OSR2: variants seen among roughly 807,000 people sequenced by gnomAD.
OSR2 encodes the protein odd-skipped related transciption factor 2, also known as protein odd-skipped-related 2.
In OSR2, 8 loss-of-function variants were observed where a neutral mutation model predicts 22.3. The observed-to-expected ratio is 0.36, with a 90% CI of 0.21 to 0.65. The LOEUF is 0.65. OSR2 is among the 30% of genes least tolerant of loss of function. The pLI is 0.66. For missense variants in OSR2, 311 were observed against 413.4 expected (o/e 0.75, Z 2.15); for synonymous variants, 179 against 173.8 (o/e 1.03, Z -0.23).
chr8:98,951,432 T>C, intron 3 of OSR2, 87 bp from the exon 4 acceptor site: 2 of 1,273,162 alleles, frequency 1.6e-6, no homozygotes, highest in Non-Finnish European at 2.2e-6. Flanking sequence ...ATGTTAACGC[T>C]TGTGATAACG....
chr8:98,949,434 G>A lies in OSR2; in HGVS notation c.482G>A (p.Arg161Gln), dbSNP rs751730409. ...SKLTPDRKPS[R>Q]GRLPSKTKKE... ...TTGACTCCGGACAGAAAGCCCTCTC[G>A]AGGAAGGTTGCCCTCCAAAACGAAA... Residue 161 changes from arginine (R) to glutamine (Q), a missense_variant, in exon 2 of 4, where the codon CGA (arginine) becomes CAA (glutamine). By Grantham distance (43) the Arg-to-Gln change is conservative. Coordinates refer to ENST00000297565, the MANE Select transcript of OSR2 (RefSeq NM_001142462.3). The surrounding 1 kb of genome is among the most constrained non-coding windows in gnomAD (Gnocchi z 5.9). The A allele has an allele frequency of 6.2e-7, 1 of 1,614,026 alleles. No individual in the cohort carries two copies. Among genetic ancestry groups the A allele is most frequent in the East Asian group, 2.2e-5 (1 of 44,884 alleles).
chr8:98,951,653 T>C lies in OSR2; in HGVS notation c.891T>C (p.Cys297=). Reference sequence around the variant, plus strand: ...GCGGCAAAGTGTTCAGGCGAAACTGTGATCTGCGGCGGCACAGCCTGACTC... The same window carrying C: ...GCGGCAAAGTGTTCAGGCGAAACTGCGATCTGCGGCGGCACAGCCTGACTC... ...EQCGKVFRRN[C]DLRRHSLTHT... Residue 297 remains cysteine, a synonymous_variant, in exon 4 of 4, where the codon TGT becomes TGC. Transcript: ENST00000297565. The C allele has an allele frequency of 2.5e-6, 4 of 1,613,936 alleles. No homozygotes were observed. Among genetic ancestry groups the C allele is most frequent in the Non-Finnish European group, 2.5e-6 (3 of 1,179,892 alleles).
chr8:98,946,067 T>G (rs1840605424), intron 1 of OSR2: 1 of 152,268 alleles, frequency 6.6e-6, no homozygotes, highest in South Asian at 2.1e-4. Context: ...CACATCTTCC[T>G]TGGTGACAGC....
chr8:98,950,130 ACT>A (rs1355410993), intron 2 of OSR2, among the ~76,000 whole-genome samples: 1 of 151,802 alleles, frequency 6.6e-6, no homozygotes, highest in South Asian at 2.1e-4. Flanking sequence ...GCGACCTTAA[ACT>A]CTGCATTAAT....
In OSR2 at chr8:98,948,499, T is replaced by A. The variant is rs551710717; in HGVS notation, c.-114-340T>A. On this transcript the variant is annotated intron_variant, in intron 1 of 3. Coordinates refer to ENST00000297565, the MANE Select transcript of OSR2 (RefSeq NM_001142462.3). This position sits in a 1 kb window ranked among gnomAD's most constrained non-coding sequence, Gnocchi z 6.0. ...CAGGCTTGGGGAGGGTGGGCTGGGC[T>A]GGGCTGGGCTGGGCTGGGTGCTGCC... The A allele has an allele frequency of 2.8e-5, 2 of 72,488 alleles. No homozygotes were observed. Among genetic ancestry groups the A allele is most frequent in the Non-Finnish European group, 4.6e-5 (2 of 43,552 alleles). The allele number at this position is 72,488 out of a possible 1,614,324, so 4.5% of individuals were successfully genotyped here.
chr8:98,948,938 C>G lies in OSR2; in HGVS notation c.-15C>G. On this transcript the variant is annotated 5_prime_UTR_variant, in exon 2 of 4. Transcript: ENST00000297565. The surrounding 1 kb of genome is among the most constrained non-coding windows in gnomAD (Gnocchi z 6.0). ...GAAAGGGTTGGTCCCCTCAGCACCCCCAGCATCCCGGAAAATGGGGAGCAA... is the reference window on the plus strand; with the variant it reads ...GAAAGGGTTGGTCCCCTCAGCACCCGCAGCATCCCGGAAAATGGGGAGCAA... 4 of 1,613,904 alleles carry G rather than the reference C, an allele frequency of 2.5e-6. No individual in the cohort carries two copies. Among genetic ancestry groups the G allele is most frequent in the Middle Eastern group, 1.6e-4 (1 of 6,062 alleles).
At chr8:98,947,241 TG>T in intron 1 of OSR2, among the ~76,000 whole-genome samples, 1 of 152,062 alleles carries the variant, frequency 6.6e-6, no homozygotes, top group East Asian at 2.0e-4. Flanking sequence ...AATAAATCTC[TG>T]TCCCGAGCCC....
chr8:98,948,156 C>CCCGTCA lies in OSR2; in HGVS notation c.-114-679_-114-674dup, dbSNP rs1840664826. The CCCGTCA allele has an allele frequency of 2.9e-6, 4 of 1,381,604 alleles. No individual in the cohort carries two copies. The highest frequency in any genetic ancestry group is 2.8e-6 in the Non-Finnish European group (3 of 1,071,426). The allele number at this position is 1,381,604 out of a possible 1,614,324, so 85.6% of individuals were successfully genotyped here. ...GAGGTGTCACTTTTCTTTCCTGCGG[C>CCCGTCA]CCGTCACCGCTGATAGATGGGGCTG... is the stretch of plus-strand genomic sequence containing the variant. On this transcript the variant is annotated intron_variant, in intron 1 of 3. Transcript: ENST00000297565. This position sits in a 1 kb window ranked among gnomAD's most constrained non-coding sequence, Gnocchi z 6.0.
Position 98,948,275 on chromosome 8 carries a change from C to T in OSR2, c.-114-564C>T, listed in dbSNP as rs750568757. 2 of 1,514,184 alleles carry T rather than the reference C, an allele frequency of 1.3e-6. No homozygotes were observed. Among genetic ancestry groups the T allele is most frequent in the East Asian group, 2.5e-5 (1 of 40,028 alleles). 93.8% of individuals were successfully genotyped at this position (1,514,184 alleles called of 1,614,324 possible). A position where few individuals can be genotyped will look rare whatever the true frequency, so the allele number is the denominator to read the frequency against. On this transcript the variant is annotated intron_variant, in intron 1 of 3. Coordinates refer to ENST00000297565, the MANE Select transcript of OSR2 (RefSeq NM_001142462.3). The surrounding 1 kb of genome is among the most constrained non-coding windows in gnomAD (Gnocchi z 6.0). ...TCTGGCCCAGGAGGATGAAGCGCGC[C>T]GGCTTCGCTCTTGCACGCCGGCTTG...
chr8:98,947,326 C>T (rs1209423051), intron 1 of OSR2, among the ~76,000 whole-genome samples: 2 of 152,078 alleles, frequency 1.3e-5, no homozygotes. Context: ...ATTAGCGTAG[C>T]CCCCTAAGTC....
intron 1 of OSR2, among the ~76,000 whole-genome samples, chr8:98,945,782 G>C (rs1840595105): frequency 1.3e-5 from 2 of 152,086 alleles, no homozygotes; most frequent in South Asian, 4.2e-4. Context: ...TCTTTTTAAT[G>C]ATCTTCTTTG....
At chr8:98,951,436 G>T in intron 3 of OSR2, 83 bp from the exon 4 acceptor site, 1 of 1,314,010 alleles carries the variant, frequency 7.6e-7, no homozygotes. Context: ...TAACGCTTGT[G>T]ATAACGATAA....
At position 98,948,366 on chromosome 8, in the gene OSR2, C is replaced by A; in HGVS notation, c.-114-473C>A. 2.7e-6 allele frequency: 4 copies of A among 1,505,998 alleles called. No individual in the cohort carries two copies. The highest frequency in any genetic ancestry group is 3.5e-6 in the Non-Finnish European group (4 of 1,130,534). 93.3% of individuals were successfully genotyped at this position (1,505,998 alleles called of 1,614,324 possible). On this transcript the variant is annotated intron_variant, in intron 1 of 3. Coordinates refer to ENST00000297565, the MANE Select transcript of OSR2 (RefSeq NM_001142462.3). This position sits in a 1 kb window ranked among gnomAD's most constrained non-coding sequence, Gnocchi z 6.0. ...CGGCAGCGCAGCGCGTGGGATCTCA[C>A]GACCCATCCGTTAACCCACCGTTCC... is the stretch of plus-strand genomic sequence containing the variant.
In OSR2 at chr8:98,951,701, G is replaced by C; in HGVS notation, c.939G>C (p.Ter313TyrextTer73). The C allele has an allele frequency of 6.2e-7, 1 of 1,611,098 alleles. No individual in the cohort carries two copies. The highest frequency in any genetic ancestry group is 8.5e-7 in the Non-Finnish European group (1 of 1,178,826). ...SLTHTPRQDF[*>Y] is the part of the protein sequence containing the mutation. ...CTCACACCCCGCGGCAGGACTTCTA[G>C]AGAAGCCCAGGATCTGTCCCGTGCC... is the stretch of plus-strand genomic sequence containing the variant. Residue 313 changes from the stop codon to tyrosine (Y), a stop_lost, in exon 4 of 4, where the codon TAG (stop) becomes TAC (tyrosine). Coordinates refer to ENST00000297565, the MANE Select transcript of OSR2 (RefSeq NM_001142462.3).
chr8:98,946,476 G>C (rs1840617624), intron 1 of OSR2, among the ~76,000 whole-genome samples: 1 of 152,138 alleles, frequency 6.6e-6, no homozygotes. Flanking sequence ...TTTGTAAAAG[G>C]GTTTCAAAAG....
Position 98,948,407 on chromosome 8 carries a change from G to A in OSR2, c.-114-432G>A, listed in dbSNP as rs1255241170. 3 of 1,428,748 alleles carry A rather than the reference G, an allele frequency of 2.1e-6. No individual in the cohort carries two copies. The highest frequency in any genetic ancestry group is 2.7e-6 in the Non-Finnish European group (3 of 1,093,806). The allele number at this position is 1,428,748 out of a possible 1,614,324, so 88.5% of individuals were successfully genotyped here. ...CCACCGTTCCCAGGAGCTCCGAGGC[G>A]CAGCGGCGACAGAGGTTCGCCCCGG... On this transcript the variant is annotated intron_variant, in intron 1 of 3. Coordinates refer to ENST00000297565, the MANE Select transcript of OSR2 (RefSeq NM_001142462.3). This position sits in a 1 kb window ranked among gnomAD's most constrained non-coding sequence, Gnocchi z 6.0.
Position 98,948,641 on chromosome 8 carries a change from T to C in OSR2, c.-114-198T>C. The C allele has an allele frequency of 1.0e-6, 1 of 963,600 alleles. No individual in the cohort carries two copies. Among genetic ancestry groups the C allele is most frequent in the Non-Finnish European group, 1.5e-6 (1 of 671,944 alleles). The allele number at this position is 963,600 out of a possible 1,614,324, so 59.7% of individuals were successfully genotyped here. On this transcript the variant is annotated intron_variant, in intron 1 of 3. Coordinates refer to ENST00000297565, the MANE Select transcript of OSR2 (RefSeq NM_001142462.3). The surrounding 1 kb of genome is among the most constrained non-coding windows in gnomAD (Gnocchi z 6.0). ...GCGCTCGCCAGTGGAGCACTTCTTGTTCTGGCCCCGGGCTGATCTGCACGC... is the reference window on the plus strand; with the variant it reads ...GCGCTCGCCAGTGGAGCACTTCTTGCTCTGGCCCCGGGCTGATCTGCACGC...
At chr8:98,950,532 C>A in intron 2 of OSR2, 124 bp from the exon 3 acceptor site, 8 of 655,066 alleles carry the variant, frequency 1.2e-5, no homozygotes, top group Non-Finnish European at 2.1e-5. Flanking sequence ...AAAAAAAAAT[C>A]TAAAAACGTA....
At position 98,949,852 on chromosome 8, in the gene OSR2, G is replaced by T. The variant is rs1164878101; in HGVS notation, c.656+244G>T. The stretch of plus-strand genomic sequence containing the variant: ...CCTCAGTCTTGGACAGGAACAATCT[G>T]TTGGCCTTAGTCCTGGGATGGTTAT... On this transcript the variant is annotated intron_variant, in intron 2 of 3. Transcript: ENST00000297565. The surrounding 1 kb of genome is among the most constrained non-coding windows in gnomAD (Gnocchi z 5.9). Among the ~76,000 whole-genome samples the T allele has an allele frequency of 6.6e-6, 1 of 152,164 alleles. No homozygotes were observed. Among genetic ancestry groups the T allele is most frequent in the African/African-American group, 2.4e-5 (1 of 41,418 alleles).
Sources: gnomAD v4.1 joint callset for allele counts (sites outside exome capture counted in the v4.1 genomes callset) on GRCh38, gnomAD v4.1.1 for gene constraint, Gnocchi (gnomAD v3.1) non-coding constraint, MANE v1.5 for transcripts, NCBI Gene and HGNC (gene_info 2026-07-23, HGNC 2026-07-21) for gene names.